Variants in YIPF7 observed in about 807,000 individuals in gnomAD.
The protein encoded by YIPF7 is protein YIPF7.
In YIPF7, 35 loss-of-function variants were observed where a neutral mutation model predicts 27.2. That is an observed-to-expected ratio of 1.29 (90% confidence interval 0.98 to 1.70). The LOEUF is 1.70. Ranked by LOEUF, YIPF7 falls within the 40% of genes most tolerant of loss-of-function variation. The probability of loss-of-function intolerance (pLI) is 0.00; values close to 1 mark genes in which losing one functional copy is unlikely to be tolerated. For missense variants in YIPF7, 358 were observed against 303.7 expected (o/e 1.18, Z -1.33); for synonymous variants, 137 against 110.4 (o/e 1.24, Z -1.51).
intron 2 of YIPF7, among the ~76,000 whole-genome samples, chr4:44,660,113 CAA>C (rs11461675): frequency 0.025 from 624 of 25,460 alleles, 2 homozygotes; most frequent in African/African-American, 0.068. Flanking sequence ...GACTCTGTCT[CAA>C]AAAAAAAAAA....
intron 2 of YIPF7, among the ~76,000 whole-genome samples, chr4:44,643,748 G>A (rs1029276734): frequency 1.2e-4 from 18 of 152,138 alleles, no homozygotes; most frequent in Non-Finnish European, 2.4e-4. Flanking sequence ...AATGAGCCCA[G>A]TTACAGCTCA....
intron 1 of YIPF7, among the ~76,000 whole-genome samples, chr4:44,661,536 T>C (rs971442795): frequency 4.6e-5 from 7 of 152,332 alleles, no homozygotes; most frequent in African/African-American, 1.7e-4. Flanking sequence ...AATAGTAAAA[T>C]TTCTTACACA....
Position 44,624,867 on chromosome 4 carries a change from A to AC in YIPF7, c.427-86_427-85insG, listed in dbSNP as rs1712576257. 3.0e-6 allele frequency: 4 copies of AC among 1,320,252 alleles called. No individual in the cohort carries two copies. In the South Asian group the frequency reaches 5.8e-5, roughly 19 times the overall value. 81.8% of individuals were successfully genotyped at this position (1,320,252 alleles called of 1,614,324 possible). ...AATATCATGAAGCAGAGAGCATCTT[A>AC]GAGTCAGTTCAGTGCTGTTCCATGT... On this transcript the variant is annotated intron_variant, in intron 4 of 5. Transcript: ENST00000415895.
chr4:44,654,082 C>G (rs1007685660), upstream of YIPF7, among the ~76,000 whole-genome samples: 1 of 151,896 alleles, frequency 6.6e-6, no homozygotes, highest in Non-Finnish European at 1.5e-5. Context: ...ACATTGAAGA[C>G]AAAATGACTT....
At chr4:44,649,124 C>A (rs577088330) in intron 2 of YIPF7, among the ~76,000 whole-genome samples, 3 of 152,192 alleles carry the variant, frequency 2.0e-5, no homozygotes, top group African/African-American at 7.2e-5. Context: ...CAGTGCCCTT[C>A]TTAATTTCTG....
intron 2 of YIPF7, among the ~76,000 whole-genome samples, chr4:44,639,840 G>A (rs1404645811): frequency 6.6e-6 from 1 of 152,068 alleles, no homozygotes; most frequent in African/African-American, 2.4e-5. Flanking sequence ...GTCCTAAATA[G>A]ACTTTATTAT....
At chr4:44,659,269 TTCAAAG>T (rs1713980879) in intron 2 of YIPF7, among the ~76,000 whole-genome samples, 1 of 151,420 alleles carries the variant, frequency 6.6e-6, no homozygotes, top group African/African-American at 2.4e-5. Flanking sequence ...CACACATGGC[TTCAAAG>T]TCAGAGTCAG....
intron 2 of YIPF7, among the ~76,000 whole-genome samples, chr4:44,659,326 A>G (rs1030999498): frequency 2.0e-5 from 2 of 99,750 alleles, no homozygotes; most frequent in African/African-American, 3.0e-5. Flanking sequence ...CGAACAAAAC[A>G]TAAGAGCAAA....
At chr4:44,630,559 C>T (rs148837040) in intron 3 of YIPF7, among the ~76,000 whole-genome samples, 4 of 152,270 alleles carry the variant, frequency 2.6e-5, no homozygotes, top group Non-Finnish European at 4.4e-5. Context: ...ATTCTTGAGA[C>T]GAGTTAACCT....
At chr4:44,629,747 A>C (rs942280166) in intron 3 of YIPF7, among the ~76,000 whole-genome samples, 199 bp from the exon 4 acceptor site, 2 of 152,210 alleles carry the variant, frequency 1.3e-5, no homozygotes, top group Non-Finnish European at 2.9e-5. Flanking sequence ...ATCTTAAAAA[A>C]CAAACTAAAA....
At chr4:44,650,249 G>A (rs887313105) in intron 1 of YIPF7, 148 bp from the exon 2 acceptor site, 9 of 664,792 alleles carry the variant, frequency 1.4e-5, no homozygotes, top group Non-Finnish European at 2.2e-5. Context: ...AAAGTATTGG[G>A]GGAAGGGTAT....
At chr4:44,623,560 GCAAAA>G (rs2109573387) in intron 5 of YIPF7, among the ~76,000 whole-genome samples, 1 of 152,268 alleles carries the variant, frequency 6.6e-6, no homozygotes, top group African/African-American at 2.4e-5. Flanking sequence ...TTGAACCAAA[GCAAAA>G]CAAGTGAAAA....
At position 44,649,977 on chromosome 4, in the gene YIPF7, G is replaced by T; in HGVS notation, c.116+8C>A. The T allele has an allele frequency of 1.5e-5, 20 of 1,325,740 alleles. No homozygotes were observed. Among genetic ancestry groups the T allele is most frequent in the Non-Finnish European group, 2.0e-5 (19 of 959,286 alleles). 82.1% of individuals were successfully genotyped at this position (1,325,740 alleles called of 1,614,324 possible). A position where few individuals can be genotyped will look rare whatever the true frequency, so the allele number is the denominator to read the frequency against. ...AAAAAAAAAAAAAGAAAAATATTAA[G>T]TACTTACTTTCTAGATCCATAAAGA... On this transcript the variant is annotated splice_region_variant and intron_variant, in intron 2 of 5. Transcript: ENST00000415895.
rs780675089 is a variant in YIPF7 at position 44,629,432 on chromosome 4, A to C, written c.397T>G (p.Cys133Gly). 1 of 1,598,744 alleles carries C rather than the reference A, an allele frequency of 6.3e-7. No individual in the cohort carries two copies. Among genetic ancestry groups the C allele is most frequent in the Non-Finnish European group, 8.5e-7 (1 of 1,172,338 alleles). The change falls in exon 4 of 6, where the codon TGC becomes GGC. Residue 133 changes from cysteine (C) to glycine (G), a missense_variant. Physicochemically the swap from Cys to Gly is radical, Grantham distance 159 (BLOSUM62 -3). Coordinates refer to ENST00000415895, the MANE Select transcript of YIPF7 (RefSeq NM_182592.3). ...ETDLTGPILF[C>G]VALGATLLLA... ...AGCAAGGTGGCTCCCAGGGCTACGC[A>C]AAAAAGAATGGGTCCAGTGAGGTCC... is the stretch of plus-strand genomic sequence containing the variant.
chr4:44,640,186 T>A (rs1163419021), intron 2 of YIPF7, among the ~76,000 whole-genome samples: 1 of 152,166 alleles, frequency 6.6e-6, no homozygotes, highest in African/African-American at 2.4e-5. Context: ...TGGTATCAGG[T>A]GTTACTGGCC....
intron 2 of YIPF7, among the ~76,000 whole-genome samples, chr4:44,649,514 T>C (rs1000280675): frequency 6.6e-6 from 1 of 152,016 alleles, no homozygotes; most frequent in South Asian, 2.1e-4. Context: ...TTAATGCTTA[T>C]AATCCAAACA....
chr4:44,647,312 G>T (rs2109598038), intron 2 of YIPF7, among the ~76,000 whole-genome samples: 1 of 152,276 alleles, frequency 6.6e-6, no homozygotes, highest in Middle Eastern at 3.4e-3. Flanking sequence ...CGCGGTCCAT[G>T]AGTCCTTGCT....
At chr4:44,642,167 C>T (rs1713347524) in intron 2 of YIPF7, among the ~76,000 whole-genome samples, 1 of 152,100 alleles carries the variant, frequency 6.6e-6, no homozygotes, top group African/African-American at 2.4e-5. Context: ...TGCAAAGCAA[C>T]CTCTGTGAAT....
intron 2 of YIPF7, among the ~76,000 whole-genome samples, chr4:44,658,027 TG>T (rs1368080019): frequency 1.3e-5 from 2 of 152,068 alleles, no homozygotes; most frequent in African/African-American, 4.8e-5. Context: ...GAGACTAGCC[TG>T]GGCAATATAG....
Sources: allele counts gnomAD v4.1 joint callset (sites outside exome capture counted in the v4.1 genomes callset), GRCh38; gene constraint gnomAD v4.1.1; transcripts MANE v1.5; gene names NCBI Gene and HGNC (gene_info 2026-07-23, HGNC 2026-07-21).